The following SPTAN1 variants were observed in gnomAD, a reference collection of about 807,000 sequenced individuals.
SPTAN1 encodes spectrin alpha chain, non-erythrocytic 1.
Under a neutral mutation model 331.3 loss-of-function variants are expected in SPTAN1, and 61 were observed. The observed-to-expected ratio is 0.18, with a 90% CI of 0.15 to 0.23. The LOEUF is 0.23. Ranked by LOEUF, SPTAN1 falls within the 10% of genes least tolerant of loss-of-function variation. SPTAN1 has a pLI of 1.00. For synonymous variants in SPTAN1, 1,153 were observed against 1,173.9 expected (o/e 0.98, Z 0.36); for missense variants, 2,043 against 3,147.9 (o/e 0.65, Z 8.40).
intron 44 of SPTAN1, among the ~76,000 whole-genome samples, chr9:128,620,901 C>A (rs1857766755): frequency 6.6e-6 from 1 of 152,146 alleles, no homozygotes; most frequent in African/African-American, 2.4e-5. Flanking sequence ...TTGACCCTTC[C>A]CAAAGGTCCA....
chr9:128,595,335 C>A (rs986372926), intron 24 of SPTAN1, among the ~76,000 whole-genome samples: 10 of 152,128 alleles, frequency 6.6e-5, no homozygotes, highest in African/African-American at 2.4e-4. Context: ...GTCTTGAACT[C>A]CTGGCCTCAA....
chr9:128,587,894 G>A (rs964872366), intron 20 of SPTAN1, among the ~76,000 whole-genome samples, 196 bp downstream of exon 20: 5 of 152,060 alleles, frequency 3.3e-5, no homozygotes, highest in Admixed American at 3.3e-4. Flanking sequence ...CGCCTAGGCT[G>A]GAGTGCAGTG....
At chr9:128,611,525 T>C (rs769291812) in intron 37 of SPTAN1, 189 bp from the exon 38 acceptor site, 19 of 659,582 alleles carry the variant, frequency 2.9e-5, no homozygotes, top group Non-Finnish European at 3.9e-5. Context: ...CCTTCCTCCT[T>C]TGCTAACTCC....
intron 1 of SPTAN1, among the ~76,000 whole-genome samples, chr9:128,565,058 C>T (rs1849856931): frequency 1.3e-5 from 2 of 152,074 alleles, no homozygotes; most frequent in Admixed American, 6.6e-5. Flanking sequence ...TAATTCCAGC[C>T]CTTTGGGAGG....
In SPTAN1 at chr9:128,566,681, C is replaced by T. The variant is rs900710564; in HGVS notation, c.-3-57C>T. On this transcript the variant is annotated intron_variant, in intron 1 of 56. Coordinates refer to ENST00000372739, the MANE Select transcript of SPTAN1 (RefSeq NM_001130438.3). The stretch of plus-strand genomic sequence containing the variant: ...TTCTTTCCTTCAGAGAGGCTAATTA[C>T]TTTTCATCTATTTTGGTGCCTATTG... 3 of 1,612,318 alleles carry T rather than the reference C, an allele frequency of 1.9e-6. No homozygotes were observed. The African/African-American group carries it at 4.0e-5, about 22-fold the overall frequency.
intron 27 of SPTAN1, among the ~76,000 whole-genome samples, chr9:128,600,974 C>CTTTTTTTTTT (rs60290370): frequency 0.16 from 6,660 of 40,822 alleles, 2,937 homozygotes; most frequent in South Asian, 0.27. Flanking sequence ...GGGAGAAAGT[C>CTTTTTTTTTT]TTTTTTTTTT....
rs984789604 is a variant in SPTAN1 at position 128,612,033 on chromosome 9, G to A, written c.4906-76G>A. ...TGTTTTCCATTCTCTTCTCTTAGAA[G>A]TTCTCAAATTGAGCTTTAGGAGAGG... is the stretch of plus-strand genomic sequence containing the variant. On this transcript the variant is annotated intron_variant, in intron 38 of 56. Coordinates refer to ENST00000372739, the MANE Select transcript of SPTAN1 (RefSeq NM_001130438.3). 3.7e-6 allele frequency: 6 copies of A among 1,612,558 alleles called. No homozygotes were observed. The African/African-American group carries it at 8.0e-5, about 22-fold the overall frequency.
At chr9:128,574,146 C>T (rs1275247678) in intron 3 of SPTAN1, among the ~76,000 whole-genome samples, 1 of 151,630 alleles carries the variant, frequency 6.6e-6, no homozygotes, top group South Asian at 2.1e-4. Context: ...TGTTTTTTTC[C>T]CTTTATCTCC....
intron 49 of SPTAN1, chr9:128,626,977 G>T: frequency 1.7e-6 from 1 of 592,742 alleles, no homozygotes. Context: ...ACCACGCCTG[G>T]CTAATTATTT....
intron 52 of SPTAN1, chr9:128,631,830 A>T (rs1859786938): frequency 9.9e-6 from 4 of 402,450 alleles, no homozygotes; most frequent in South Asian, 8.2e-5. Flanking sequence ...AAAAATTTAT[A>T]AAAATCTTTG....
At chr9:128,623,507 G>A (rs112715602) in intron 45 of SPTAN1, among the ~76,000 whole-genome samples, 4,299 of 151,854 alleles carry the variant, frequency 0.028, 185 homozygotes, top group African/African-American at 0.098. Flanking sequence ...CCAGGCTGGG[G>A]TGCAGTGGCA....
At chr9:128,619,080 G>A in intron 44 of SPTAN1, 77 bp downstream of exon 44, 2 of 1,601,946 alleles carry the variant, frequency 1.2e-6, no homozygotes, top group Non-Finnish European at 1.7e-6. Flanking sequence ...CTGTTGGTTT[G>A]TTAGAGGGCC....
At chr9:128,631,933 A>G in intron 52 of SPTAN1, 194 bp from the exon 53 acceptor site, 1 of 619,194 alleles carries the variant, frequency 1.6e-6, no homozygotes, top group African/African-American at 1.8e-5. Flanking sequence ...TCACATTGAA[A>G]GTCTCTCCCT....
Position 128,608,944 on chromosome 9 carries a change from A to G in SPTAN1, c.4562A>G (p.Asp1521Gly), listed in dbSNP as rs1255758379. 1.9e-6 allele frequency: 3 copies of G among 1,614,100 alleles called. No homozygotes were observed. The highest frequency in any genetic ancestry group is 2.5e-6 in the Non-Finnish European group (3 of 1,180,012). The change falls in exon 35 of 57, where the codon GAC (aspartate) becomes GGC (glycine). Residue 1521 changes from aspartate to glycine, a missense_variant. By Grantham distance (94) the Asp-to-Gly change is moderately conservative. Coordinates refer to ENST00000372739, the MANE Select transcript of SPTAN1 (RefSeq NM_001130438.3). ...LIAAGHYAKG[D>G]ISSRRNEVLD... ...GCTGCCGGCCATTATGCCAAGGGAG[A>G]CATTTCTAGCCGGCGCAATGAGGTC...
chr9:128,574,854 A>G, intron 4 of SPTAN1, 39 bp downstream of exon 4: 2 of 1,613,692 alleles, frequency 1.2e-6, no homozygotes, highest in Non-Finnish European at 8.5e-7. Context: ...GCTTTACTCA[A>G]AGAAAAGGGA....
At chr9:128,609,001 T>C (rs1745617560) in intron 35 of SPTAN1, 24 bp downstream of exon 35, 1 of 1,613,980 alleles carries the variant, frequency 6.2e-7, no homozygotes, top group Non-Finnish European at 8.5e-7. Flanking sequence ...GGCACTGACA[T>C]AGTCACCAGC....
Position 128,607,927 on chromosome 9 carries a change from C to A in SPTAN1, c.4222C>A (p.His1408Asn), listed in dbSNP as rs181391744. The A allele has an allele frequency of 1.1e-5, 17 of 1,613,930 alleles. No individual in the cohort carries two copies. In the South Asian group the frequency reaches 1.9e-4, roughly 18 times the overall value. ...FEQFGQQLLAHGHYASPEIKQ... is the reference protein window; with the variant it reads ...FEQFGQQLLANGHYASPEIKQ... ...GCAGTTTGGACAGCAGCTGTTGGCT[C>A]ACGGACACTATGCCAGCCCTGAGAT... The change falls in exon 33 of 57, where the codon CAC (histidine) becomes AAC (asparagine). Residue 1408 changes from histidine (H) to asparagine (N), a missense_variant. This residue lies in a region of SPTAN1 where 179 missense variants were observed against 215.7 expected (regional missense o/e 0.83). Transcript: ENST00000372739.
rs141694193 is a variant in SPTAN1, at chr9:128,589,874, C to T, written c.3006+931C>T. On this transcript the variant is annotated intron_variant, in intron 21 of 56. Coordinates refer to ENST00000372739, the MANE Select transcript of SPTAN1 (RefSeq NM_001130438.3). ...ACAGGCATGAGCCACCGCGCCTGGCCGACCTGTTGGTTCTTACTCCAGACT... is the reference window on the plus strand; with the variant it reads ...ACAGGCATGAGCCACCGCGCCTGGCTGACCTGTTGGTTCTTACTCCAGACT... 5.8e-3 allele frequency among the ~76,000 whole-genome samples: 878 copies of T among 152,328 alleles called. 9 individuals are homozygous for T. Among genetic ancestry groups the T allele is most frequent in the African/African-American group, 0.02 (828 of 41,566 alleles).
chr9:128,600,342 C>G (rs947542079), intron 27 of SPTAN1, among the ~76,000 whole-genome samples: 6 of 152,128 alleles, frequency 3.9e-5, no homozygotes, highest in Admixed American at 3.3e-4. Context: ...ATTGATTACC[C>G]ATGTTGGTGC....
Sources: gnomAD v4.1 joint callset for allele counts (sites outside exome capture counted in the v4.1 genomes callset) on GRCh38, gnomAD v4.1.1 for gene constraint, gnomAD v4.1.1 regional missense constraint, MANE v1.5 for transcripts, NCBI Gene and HGNC (gene_info 2026-07-23, HGNC 2026-07-21) for gene names.